Variants in FBP2 observed in about 807,000 individuals in gnomAD.
FBP2 encodes fructose-1,6-bisphosphatase isozyme 2.
FBP2 carries 27 observed loss-of-function variants against 31.6 expected under a neutral mutation model. The observed-to-expected ratio is 0.85, with a 90% CI of 0.63 to 1.18. The LOEUF is 1.18. Among genes scored for constraint, FBP2 ranks in the 50% most tolerant of loss-of-function variants. The probability of loss-of-function intolerance (pLI) is 0.00; values close to 1 mark genes in which losing one functional copy is unlikely to be tolerated. For synonymous variants in FBP2, 168 were observed against 179.8 expected (o/e 0.93, Z 0.53); for missense variants, 421 against 436.1 (o/e 0.97, Z 0.31).
At chr9:94,584,797 T>A (rs1194055492) in intron 2 of FBP2, 128 bp from the exon 3 acceptor site, 1 of 652,176 alleles carries the variant, frequency 1.5e-6, no homozygotes. Flanking sequence ...CATATCTTTA[T>A]CAAAAAACAC....
chr9:94,567,633 G>T, intron 4 of FBP2: 1 of 499,850 alleles, frequency 2.0e-6, no homozygotes, highest in South Asian at 3.6e-5. Flanking sequence ...CAAGCAGGAA[G>T]ACAATTCTAA....
intron 3 of FBP2, chr9:94,576,790 T>G (rs1382561415): frequency 1.3e-5 from 2 of 152,232 alleles, no homozygotes; most frequent in African/African-American, 4.8e-5. Flanking sequence ...CTCTGCTCTA[T>G]TTAGACTTGG....
In FBP2 at chr9:94,567,377, C is replaced by T. The variant is rs141540383; in HGVS notation, c.598G>A (p.Asp200Asn). The T allele has an allele frequency of 1.2e-6, 2 of 1,614,124 alleles. No individual in the cohort carries two copies. Among genetic ancestry groups the T allele is most frequent in the South Asian group, 2.2e-5 (2 of 91,088 alleles). Residue 200 changes from aspartate (D) to asparagine (N), a missense_variant, in exon 5 of 7, where the codon GAT becomes AAT. Physicochemically the swap from Asp to Asn is conservative, Grantham distance 23. Coordinates refer to ENST00000375337, the MANE Select transcript of FBP2 (RefSeq NM_003837.4). ...ALGEFVLVEK[D>N]VKIKKKGKIY... ...TTTCCTTTCTTCTTAATCTTGACAT[C>T]TTTTTCCACCAGGACAAATTCACCA...
intron 3 of FBP2, among the ~76,000 whole-genome samples, chr9:94,584,229 A>G (rs1827402108): frequency 6.6e-6 from 1 of 152,220 alleles, no homozygotes; most frequent in African/African-American, 2.4e-5. Context: ...GGCTGGGGAC[A>G]GGAGAGATGA....
chr9:94,567,531 T>G lies in FBP2; in HGVS notation c.568-124A>C, dbSNP rs1425754330. 3.5e-6 allele frequency: 4 copies of G among 1,152,484 alleles called. No individual in the cohort carries two copies. The African/African-American group carries it at 4.6e-5, about 13-fold the overall frequency. 71.4% of individuals were successfully genotyped at this position (1,152,484 alleles called of 1,614,324 possible). A position where few individuals can be genotyped will look rare whatever the true frequency, so the allele number is the denominator to read the frequency against. ...TGGCAGAGCTGGGGCTTGGCTGTGGTCACTCTGAACCTGCTCTTTGGTGTT... is the reference window on the plus strand; with the variant it reads ...TGGCAGAGCTGGGGCTTGGCTGTGGGCACTCTGAACCTGCTCTTTGGTGTT... On this transcript the variant is annotated intron_variant, in intron 4 of 6. Transcript: ENST00000375337.
chr9:94,584,732 G>C, intron 2 of FBP2, 63 bp from the exon 3 acceptor site: 1 of 1,003,662 alleles, frequency 1.0e-6, no homozygotes. Context: ...ATTGCTCTGT[G>C]TCAGGGCTGT....
intron 5 of FBP2, among the ~76,000 whole-genome samples, chr9:94,565,168 G>A (rs111698561): frequency 0.026 from 3,891 of 152,110 alleles, 167 homozygotes; most frequent in African/African-American, 0.088. Context: ...GTGGTCAGGC[G>A]TTCAAGACCA....
At chr9:94,563,125 A>G (rs1827133732) in intron 6 of FBP2, among the ~76,000 whole-genome samples, 1 of 152,184 alleles carries the variant, frequency 6.6e-6, no homozygotes, top group Non-Finnish European at 1.5e-5. Flanking sequence ...GACCAGTGAG[A>G]ATCACCAGTC....
rs1564177654 is a variant in FBP2, at chr9:94,558,927, G to T, written c.*11C>A. 2.5e-6 allele frequency: 4 copies of T among 1,613,498 alleles called. No homozygotes were observed. The South Asian group carries it at 4.4e-5, about 18-fold the overall frequency. ...AAGACAAACAGAAGAGGGCATGTGG[G>T]GTCAAACTCGCTAGCTGCCTGCCTG... On this transcript the variant is annotated 3_prime_UTR_variant, in exon 7 of 7. Coordinates refer to ENST00000375337, the MANE Select transcript of FBP2 (RefSeq NM_003837.4).
At chr9:94,566,765 C>T (rs1827195668) in intron 5 of FBP2, among the ~76,000 whole-genome samples, 1 of 152,184 alleles carries the variant, frequency 6.6e-6, no homozygotes, top group South Asian at 2.1e-4. Flanking sequence ...CAGTTCATTA[C>T]AGATGGATTA....
intron 5 of FBP2, among the ~76,000 whole-genome samples, chr9:94,563,683 A>G (rs1827143183): frequency 6.6e-6 from 1 of 152,118 alleles, no homozygotes; most frequent in African/African-American, 2.4e-5. Context: ...AGGACTGCTT[A>G]AAGTATGAGA....
Position 94,559,042 on chromosome 9 carries a change from C to T in FBP2, c.916G>A (p.Val306Met), listed in dbSNP as rs763789175. Residue 306 changes from valine (V) to methionine (M), a missense_variant, in exon 7 of 7, where the codon GTG becomes ATG. By Grantham distance (21) the Val-to-Met change is conservative (BLOSUM62 1). Coordinates refer to ENST00000375337, the MANE Select transcript of FBP2 (RefSeq NM_003837.4). ...CGCTGGTGAATTGCCTCGGGCTTCA[C>T]GTCCAGTACAGGCTGGGTCCCCGTG... is the stretch of plus-strand genomic sequence containing the variant. ...ATTGTQPVLD[V>M]KPEAIHQRVP... is the part of the protein sequence containing the mutation. 10 of 1,614,010 alleles carry T rather than the reference C, an allele frequency of 6.2e-6. No individual in the cohort carries two copies. The highest frequency in any genetic ancestry group is 4.0e-5 in the African/African-American group (3 of 74,924).
At chr9:94,559,198 A>G in intron 6 of FBP2, 66 bp from the exon 7 acceptor site, 1 of 1,442,256 alleles carries the variant, frequency 6.9e-7, no homozygotes. Context: ...CCATGCCCCT[A>G]AAGCTGGGGG....
At chr9:94,568,462 A>C (rs1000810988) in intron 4 of FBP2, 1 of 152,144 alleles carries the variant, frequency 6.6e-6, no homozygotes, top group Non-Finnish European at 1.5e-5. Context: ...TTAAATGCTC[A>C]TGTCTGTCTC....
chr9:94,562,341 A>G (rs1804614138), intron 6 of FBP2, among the ~76,000 whole-genome samples: 1 of 148,126 alleles, frequency 6.8e-6, no homozygotes, highest in Admixed American at 6.8e-5. Flanking sequence ...AAGAATGTCC[A>G]TTGTCCATGT....
At chr9:94,582,731 G>A (rs1827385108) in intron 3 of FBP2, among the ~76,000 whole-genome samples, 1 of 151,552 alleles carries the variant, frequency 6.6e-6, no homozygotes, top group Non-Finnish European at 1.5e-5. Flanking sequence ...TGTATTTTTA[G>A]TAGAGGCAGG....
chr9:94,567,288 C>A lies in FBP2; in HGVS notation c.687G>T (p.Gln229His). 1 of 1,614,204 alleles carries A rather than the reference C, an allele frequency of 6.2e-7. No homozygotes were observed. Among genetic ancestry groups the A allele is most frequent in the Non-Finnish European group, 8.5e-7 (1 of 1,180,028 alleles). ...CACTCACCTCAGGGAATTTCTTTTT[C>A]TGCACATATTCAGTGGTGGCCGCAT... ...YFDAATTEYV[Q>H]KKKFPEDGSA... The change falls in exon 5 of 7, where the codon CAG becomes CAT. Residue 229 changes from glutamine to histidine, a missense_variant. Gln to His is a conservative substitution (Grantham distance 24). Coordinates refer to ENST00000375337, the MANE Select transcript of FBP2 (RefSeq NM_003837.4).
At chr9:94,579,052 A>C (rs1218174228) in intron 3 of FBP2, among the ~76,000 whole-genome samples, 2 of 128,592 alleles carry the variant, frequency 1.6e-5, no homozygotes, top group Non-Finnish European at 1.7e-5. Flanking sequence ...GACTCTGTCA[A>C]AAAAAAAAAA....
chr9:94,590,415 G>A (rs1410318002), intron 1 of FBP2, among the ~76,000 whole-genome samples: 1 of 150,350 alleles, frequency 6.7e-6, no homozygotes, highest in East Asian at 2.0e-4. Context: ...TTGCTAGAAA[G>A]ATCTCCCCAA....
Sources: allele counts gnomAD v4.1 joint callset (sites outside exome capture counted in the v4.1 genomes callset), GRCh38; gene constraint gnomAD v4.1.1; transcripts MANE v1.5; gene names NCBI Gene and HGNC (gene_info 2026-07-23, HGNC 2026-07-21).